FER: variants seen among roughly 807,000 people sequenced by gnomAD.
FER encodes FER tyrosine kinase, also known as tyrosine-protein kinase Fer.
A neutral mutation model predicts 111.0 loss-of-function variants in FER; 63 were observed. The ratio of observed to expected loss-of-function variants is 0.57; its 90% CI spans 0.46 to 0.70. The LOEUF is 0.70. Among genes scored for constraint, FER ranks in the 30% least tolerant of loss-of-function variants. The pLI is 0.00. For missense variants in FER, 914 were observed against 954.0 expected (o/e 0.96, Z 0.55); for synonymous variants, 327 against 313.9 (o/e 1.04, Z -0.44).
At chr5:109,012,911 C>T (rs1766487788) in intron 13 of FER, among the ~76,000 whole-genome samples, 1 of 151,966 alleles carries the variant, frequency 6.6e-6, no homozygotes, top group Non-Finnish European at 1.5e-5. Context: ...ATGACAAAAG[C>T]AAGGGACATT....
chr5:108,756,007 A>T (rs1561370104), intron 1 of FER, among the ~76,000 whole-genome samples: 1 of 150,764 alleles, frequency 6.6e-6, no homozygotes, highest in Non-Finnish European at 1.5e-5. Flanking sequence ...TACAAAAATT[A>T]GCTGGGTGTG....
At chr5:109,116,224 G>A (rs560841633) in intron 17 of FER, among the ~76,000 whole-genome samples, 3 of 152,138 alleles carry the variant, frequency 2.0e-5, no homozygotes, top group Non-Finnish European at 2.9e-5. Context: ...CCTATACTGG[G>A]AGATGGAAAC....
At chr5:109,179,809 T>C (rs1039236978) in intron 17 of FER, among the ~76,000 whole-genome samples, 4 of 152,194 alleles carry the variant, frequency 2.6e-5, no homozygotes, top group Admixed American at 1.3e-4. Context: ...GATTTGAGCA[T>C]CTTTGGATTT....
intron 17 of FER, among the ~76,000 whole-genome samples, chr5:109,139,048 G>A (rs1046309193): frequency 6.6e-6 from 1 of 152,118 alleles, no homozygotes; most frequent in Admixed American, 6.6e-5. Context: ...TTTTGGACTT[G>A]TTGAATTTGA....
intron 17 of FER, among the ~76,000 whole-genome samples, chr5:109,105,867 G>T (rs139506994): frequency 6.6e-6 from 1 of 152,114 alleles, no homozygotes; most frequent in Non-Finnish European, 1.5e-5. Context: ...TATTCATATC[G>T]TTCACTAATG....
intron 16 of FER, among the ~76,000 whole-genome samples, chr5:109,080,007 A>T (rs1220513046): frequency 2.0e-5 from 3 of 152,180 alleles, no homozygotes; most frequent in Non-Finnish European, 4.4e-5. Context: ...TAGGCTTGGT[A>T]GTTTAATAAA....
intron 2 of FER, among the ~76,000 whole-genome samples, chr5:108,790,928 A>G (rs1192731331): frequency 6.6e-6 from 1 of 152,146 alleles, no homozygotes; most frequent in Non-Finnish European, 1.5e-5. Flanking sequence ...GGTTTCTTTG[A>G]CCTAGTAAAA....
intron 13 of FER, among the ~76,000 whole-genome samples, chr5:108,967,052 A>G (rs1759946404): frequency 6.6e-6 from 1 of 152,292 alleles, no homozygotes; most frequent in South Asian, 2.1e-4. Flanking sequence ...TCAGCCAGTG[A>G]TGCCCCCACC....
intron 13 of FER, among the ~76,000 whole-genome samples, chr5:109,000,556 G>T (rs1032910218): frequency 1.3e-5 from 2 of 151,976 alleles, no homozygotes; most frequent in African/African-American, 2.4e-5. Flanking sequence ...AAGCAGGAAA[G>T]ATCTAAAATT....
chr5:109,022,028 C>A (rs1258852610), intron 13 of FER, among the ~76,000 whole-genome samples: 2 of 151,994 alleles, frequency 1.3e-5, no homozygotes, highest in Admixed American at 1.3e-4. Context: ...GTCCTTAGAT[C>A]CAAAAGGAGG....
At chr5:109,122,521 GAA>G (rs60535794) in intron 17 of FER, among the ~76,000 whole-genome samples, 11 of 145,244 alleles carry the variant, frequency 7.6e-5, no homozygotes, top group African/African-American at 7.5e-5. Flanking sequence ...CATGTGCTGA[GAA>G]AAAAAAAAAA....
At chr5:108,968,944 A>G (rs992553733) in intron 13 of FER, among the ~76,000 whole-genome samples, 2 of 152,134 alleles carry the variant, frequency 1.3e-5, no homozygotes, top group African/African-American at 4.8e-5. Context: ...GATTTGCCCC[A>G]TTCTCAGTAA....
rs1759394727 is a variant in FER at position 109,191,686 on chromosome 5, ACTT to A, written c.*4115_*4117del. 1 of 152,160 alleles carries A rather than the reference ACTT, an allele frequency of 6.6e-6. No homozygotes were observed. The highest frequency in any genetic ancestry group is 2.4e-5 in the African/African-American group (1 of 41,452). 9.4% of individuals were successfully genotyped at this position (152,160 alleles called of 1,614,324 possible). A position where few individuals can be genotyped will look rare whatever the true frequency, so the allele number is the denominator to read the frequency against. The stretch of plus-strand genomic sequence containing the variant: ...GAAAGTTTACCATCAAAATAGCGTT[ACTT>A]CTTTTATGACTAACTCTGATTTGCT... On this transcript the variant is annotated 3_prime_UTR_variant, in exon 20 of 20. Coordinates refer to ENST00000281092, the MANE Select transcript of FER (RefSeq NM_005246.4).
intron 17 of FER, among the ~76,000 whole-genome samples, chr5:109,109,410 C>T (rs952067143): frequency 7.2e-5 from 11 of 152,120 alleles, no homozygotes; most frequent in African/African-American, 2.7e-4. Flanking sequence ...CCCTCAAGTT[C>T]CATGAGGACA....
intron 9 of FER, among the ~76,000 whole-genome samples, chr5:108,885,233 C>G (rs1054270681): frequency 1.3e-5 from 2 of 151,916 alleles, no homozygotes; most frequent in Non-Finnish European, 2.9e-5. Flanking sequence ...CCTAAATTCC[C>G]AATGTCTAAA....
chr5:108,863,973 C>CCTGCCACTCCTGCCA (rs1463990195), intron 5 of FER, among the ~76,000 whole-genome samples: 38 of 152,222 alleles, frequency 2.5e-4, no homozygotes, highest in South Asian at 6.2e-4. Context: ...TCCTGCCACT[C>CCTGCCACTCCTGCCA]TAGTTTTAGA....
intron 17 of FER, among the ~76,000 whole-genome samples, chr5:109,123,591 A>G (rs756073926): frequency 2.0e-5 from 3 of 152,256 alleles, no homozygotes; most frequent in South Asian, 2.1e-4. Context: ...ATAACATCTT[A>G]TAACAAATTA....
intron 1 of FER, among the ~76,000 whole-genome samples, chr5:108,766,025 G>A (rs1486234420): frequency 6.6e-6 from 1 of 151,886 alleles, no homozygotes; most frequent in Non-Finnish European, 1.5e-5. Context: ...AAATTCCTGG[G>A]CTCAGGTGAT....
chr5:109,081,032 C>A (rs1776930454), intron 16 of FER, among the ~76,000 whole-genome samples: 2 of 152,030 alleles, frequency 1.3e-5, no homozygotes, highest in African/African-American at 4.8e-5. Flanking sequence ...GTTAAATAGT[C>A]TCCACAGTCC....
Sources: gnomAD v4.1 joint callset for allele counts (sites outside exome capture counted in the v4.1 genomes callset) on GRCh38, gnomAD v4.1.1 for gene constraint, MANE v1.5 for transcripts, NCBI Gene and HGNC (gene_info 2026-07-23, HGNC 2026-07-21) for gene names.